SIK3: variants seen among roughly 807,000 people sequenced by gnomAD.
SIK3 encodes serine/threonine-protein kinase SIK3.
A neutral mutation model predicts 144.2 loss-of-function variants in SIK3; 28 were observed. The ratio of observed to expected loss-of-function variants is 0.19; its 90% confidence interval spans 0.14 to 0.27. The LOEUF (loss-of-function observed/expected upper bound fraction) is 0.27. Among genes scored for constraint, SIK3 ranks in the 10% least tolerant of loss-of-function variants. SIK3 has a pLI of 1.00. For synonymous variants in SIK3, 686 were observed against 676.3 expected, an observed-to-expected ratio of 1.01 and a Z score of -0.22; for missense variants, 1,319 against 1,776.0, an observed-to-expected ratio of 0.74 and a Z score of 4.62.
intron 3 of SIK3, among the ~76,000 whole-genome samples, chr11:116,948,168 G>A (rs1948767174): frequency 6.6e-6 from 1 of 151,570 alleles, no homozygotes; most frequent in Non-Finnish European, 1.5e-5. Context: ...GAACTCCTGA[G>A]GTCAAGCAAT....
chr11:116,908,640 C>CA (rs1160617092), intron 4 of SIK3, among the ~76,000 whole-genome samples: 1 of 151,658 alleles, frequency 6.6e-6, no homozygotes, highest in Non-Finnish European at 1.5e-5. Flanking sequence ...TGACAATTGA[C>CA]AAAAAAAGGC....
intron 15 of SIK3, chr11:116,864,606 A>C (rs953681517): frequency 6.6e-6 from 1 of 152,302 alleles, no homozygotes; most frequent in African/African-American, 2.4e-5. Flanking sequence ...CTAAGACAGC[A>C]TCGGGGTTAG....
chr11:117,058,386 G>A (rs942151932), intron 1 of SIK3, among the ~76,000 whole-genome samples: 1 of 151,918 alleles, frequency 6.6e-6, no homozygotes, highest in Non-Finnish European at 1.5e-5. Context: ...GAGGCATGGT[G>A]GCATGCACCT....
Position 116,870,369 on chromosome 11 carries a change from C to T in SIK3, c.1770G>A (p.Glu590=). ...CCTGGTCTGGCTCCCCGTCTGAGCT[C>T]TCCTCGTCCACAGGGGTAACTGCTG... The part of the protein sequence containing the change: ...AVPAVTPVDE[E]SSDGEPDQEA... The change falls in exon 14 of 25, where the codon GAG becomes GAA. Residue 590 remains glutamate (E), a synonymous_variant. Coordinates refer to ENST00000445177, the MANE Select transcript of SIK3 (RefSeq NM_001366686.3). 9.9e-6 allele frequency: 16 copies of T among 1,612,682 alleles called. No individual in the cohort carries two copies. Among genetic ancestry groups the T allele is most frequent in the Non-Finnish European group, 1.4e-5 (16 of 1,180,014 alleles).
intron 2 of SIK3, among the ~76,000 whole-genome samples, chr11:116,956,136 T>C (rs1412874973): frequency 1.3e-5 from 2 of 152,144 alleles, no homozygotes; most frequent in East Asian, 3.9e-4. Flanking sequence ...GGCAAAGTTC[T>C]CGGCTGCCAA....
chr11:116,974,430 C>T (rs919378394), intron 1 of SIK3, among the ~76,000 whole-genome samples: 1 of 152,086 alleles, frequency 6.6e-6, no homozygotes, highest in Non-Finnish European at 1.5e-5. Flanking sequence ...CCTTTTGAAA[C>T]AGGGTCTTTG....
intron 15 of SIK3, chr11:116,864,419 T>C (rs1181848895): frequency 6.6e-6 from 1 of 152,300 alleles, no homozygotes; most frequent in East Asian, 1.9e-4. Flanking sequence ...ATCCTGCACG[T>C]ACCTGGTCAA....
Position 116,922,911 on chromosome 11 carries a change from T to C in SIK3, c.616+4308A>G, listed in dbSNP as rs58324519. Among the ~76,000 whole-genome samples the C allele has an allele frequency of 8.8e-3, 584 of 66,586 alleles. 4 individuals carry two copies. Among genetic ancestry groups the C allele is most frequent in the African/African-American group, 0.037 (355 of 9,718 alleles). The allele number at this position is 66,586 out of a possible 152,430, so 43.7% of individuals were successfully genotyped here. A position where few individuals can be genotyped will look rare whatever the true frequency, so the allele number is the denominator to read the frequency against. The stretch of plus-strand genomic sequence containing the variant: ...TAATTTCTCCTTTTCTTTTCTCTTT[T>C]TTTTTTTTTTTTTTTTTTTTTTTGA... On this transcript the variant is annotated intron_variant, in intron 4 of 24. Coordinates refer to ENST00000445177, the MANE Select transcript of SIK3 (RefSeq NM_001366686.3).
At chr11:116,889,976 A>G (rs1945018753) in intron 6 of SIK3, among the ~76,000 whole-genome samples, 1 of 152,234 alleles carries the variant, frequency 6.6e-6, no homozygotes, top group Non-Finnish European at 1.5e-5. Context: ...TACTACTGAT[A>G]TTATGATTTG....
intron 1 of SIK3, among the ~76,000 whole-genome samples, chr11:116,986,068 T>G (rs1950316040): frequency 6.6e-6 from 1 of 152,176 alleles, no homozygotes; most frequent in African/African-American, 2.4e-5. Flanking sequence ...CAAAAAAAAG[T>G]CAACATAATT....
At chr11:116,947,018 G>A (rs1384019815) in intron 3 of SIK3, among the ~76,000 whole-genome samples, 2 of 150,328 alleles carry the variant, frequency 1.3e-5, no homozygotes, top group African/African-American at 2.5e-5. Flanking sequence ...GGGAGACTGA[G>A]GCAGAATGGT....
intron 1 of SIK3, among the ~76,000 whole-genome samples, chr11:117,068,516 A>G (rs1954117113): frequency 6.6e-6 from 1 of 152,214 alleles, no homozygotes; most frequent in Non-Finnish European, 1.5e-5. Context: ...TGCGAGGCCA[A>G]AGTAGGAGGG....
At chr11:117,067,714 C>T (rs1199545638) in intron 1 of SIK3, among the ~76,000 whole-genome samples, 4 of 152,136 alleles carry the variant, frequency 2.6e-5, no homozygotes, top group Admixed American at 6.5e-5. Context: ...TGGCCAGGCA[C>T]GGTGGCTCAT....
intron 1 of SIK3, among the ~76,000 whole-genome samples, chr11:117,053,037 T>G (rs955999726): frequency 2.6e-5 from 4 of 152,072 alleles, no homozygotes; most frequent in African/African-American, 4.8e-5. Flanking sequence ...TTGGGAAATA[T>G]ACACAAAAAA....
rs372107127 is a variant in SIK3, at chr11:117,043,581, C to T, written c.273+54562G>A. 3.3e-5 allele frequency among the ~76,000 whole-genome samples: 5 copies of T among 152,264 alleles called. No individual in the cohort carries two copies. The East Asian group carries it at 9.6e-4, about 29-fold the overall frequency. On this transcript the variant is annotated intron_variant, in intron 1 of 24. Coordinates refer to ENST00000445177, the MANE Select transcript of SIK3 (RefSeq NM_001366686.3). Reference sequence around the variant, plus strand: ...AAAAATGCCTGAACTCTTCATAATCCTGCTAAATATATTAACCATGCCTCA... The same window carrying T: ...AAAAATGCCTGAACTCTTCATAATCTTGCTAAATATATTAACCATGCCTCA...
At chr11:117,066,740 C>T (rs1320150207) in intron 1 of SIK3, among the ~76,000 whole-genome samples, 8 of 151,944 alleles carry the variant, frequency 5.3e-5, no homozygotes, top group Admixed American at 5.2e-4. Context: ...TCGCTTGTTG[C>T]CCAGGGTGGT....
chr11:116,875,164 T>A lies in SIK3; in HGVS notation c.1421A>T (p.Asp474Val), dbSNP rs768641856. Residue 474 changes from aspartate (D) to valine (V), a missense_variant, in exon 11 of 25, where the codon GAC becomes GTC. Transcript: ENST00000445177. ...SMRRHTVGVA[D>V]PRTEVMEDLQ... ...CTGTTGGCCGGATACTCACCGTGGG[T>A]CAGCCACACCCACTGTGTGCCTCCT... 3.7e-6 allele frequency: 6 copies of A among 1,613,208 alleles called. No individual in the cohort carries two copies. Among genetic ancestry groups the A allele is most frequent in the Non-Finnish European group, 5.1e-6 (6 of 1,179,570 alleles).
rs533979853 is a variant in SIK3 at position 116,917,646 on chromosome 11, T to C, written c.616+9573A>G. 6.0e-5 allele frequency among the ~76,000 whole-genome samples: 9 copies of C among 151,190 alleles called. No homozygotes were observed. The South Asian group carries it at 1.9e-3, about 32-fold the overall frequency. On this transcript the variant is annotated intron_variant, in intron 4 of 24. Transcript: ENST00000445177. ...ATCCCCTGAGCCCATGAGTTCAAGG[T>C]TACAGTGAGCTATGACTGCACCACT...
chr11:117,047,887 G>A (rs1176478874), intron 1 of SIK3, among the ~76,000 whole-genome samples: 2 of 152,126 alleles, frequency 1.3e-5, no homozygotes, highest in African/African-American at 4.8e-5. Context: ...CTAATCAAAT[G>A]ATAAAGTCTG....
Sources: allele counts gnomAD v4.1 joint callset (sites outside exome capture counted in the v4.1 genomes callset), GRCh38; gene constraint gnomAD v4.1.1; transcripts MANE v1.5; gene names NCBI Gene and HGNC (gene_info 2026-07-23, HGNC 2026-07-21).